FAM47E: variants seen among roughly 807,000 people sequenced by gnomAD.
FAM47E encodes the protein family with sequence similarity 47 member E, also known as protein FAM47E.
In FAM47E, 32 loss-of-function variants were observed where a neutral mutation model predicts 41.6. The ratio of observed to expected loss-of-function variants is 0.77; its 90% CI spans 0.58 to 1.03. The LOEUF (loss-of-function observed/expected upper bound fraction) is 1.03. Ranked by LOEUF, FAM47E falls within the 50% of genes least tolerant of loss-of-function variation. FAM47E has a pLI of 0.00. For synonymous variants in FAM47E, 184 were observed against 188.7 expected (o/e 0.98, Z 0.20); for missense variants, 424 against 485.4 (o/e 0.87, Z 1.19).
At position 76,280,369 on chromosome 4, in the gene FAM47E, C is replaced by T. The variant is rs547474009; in HGVS notation, c.1104+28C>T. On this transcript the variant is annotated intron_variant, in intron 7 of 7. Transcript: ENST00000424749. The stretch of plus-strand genomic sequence containing the variant: ...GAGTAAAGGGTCCTTTCAGAAGGCC[C>T]TGCTGAGGGGCTTCATGGCTCACAG... The T allele has an allele frequency of 5.8e-5, 76 of 1,309,144 alleles. No homozygotes were observed. In the African/African-American group the frequency reaches 1.0e-3, roughly 18 times the overall value. The allele number at this position is 1,309,144 out of a possible 1,614,324, so 81.1% of individuals were successfully genotyped here.
chr4:76,251,727 G>A lies in FAM47E; in HGVS notation c.-20G>A. ...ACACACCGCCCAAGCCCGGACGGTG[G>A]CCGCGAAGCTAGGGCCACCATGGCG... On this transcript the variant is annotated 5_prime_UTR_variant, in exon 1 of 8. Transcript: ENST00000424749. The A allele has an allele frequency of 2.0e-6, 3 of 1,470,836 alleles. No individual in the cohort carries two copies. The highest frequency in any genetic ancestry group is 2.8e-5 in the East Asian group (1 of 35,654). 91.1% of individuals were successfully genotyped at this position (1,470,836 alleles called of 1,614,324 possible).
At chr4:76,279,087 T>C (rs1429405768) in intron 6 of FAM47E, 2 of 152,226 alleles carry the variant, frequency 1.3e-5, no homozygotes, top group Non-Finnish European at 2.9e-5. Flanking sequence ...TTTCCAGTAC[T>C]GAATATAAAT....
chr4:76,216,538 C>G (rs990561578), intron 1 of FAM47E, among the ~76,000 whole-genome samples: 1 of 152,214 alleles, frequency 6.6e-6, no homozygotes, highest in East Asian at 1.9e-4. Flanking sequence ...CCCTTCTTCT[C>G]TCTTGTCTGG....
intron 2 of FAM47E, among the ~76,000 whole-genome samples, chr4:76,257,488 C>G (rs1368210758): frequency 1.3e-5 from 2 of 152,152 alleles, no homozygotes; most frequent in Non-Finnish European, 2.9e-5. Context: ...CAGAGAAAGC[C>G]AGAGTTCTTG....
intron 1 of FAM47E, among the ~76,000 whole-genome samples, chr4:76,216,998 A>G (rs1384626919): frequency 6.6e-6 from 1 of 152,200 alleles, no homozygotes; most frequent in Non-Finnish European, 1.5e-5. Context: ...CTCTACCCAC[A>G]GCTATGTTCA....
chr4:76,266,705 T>C (rs1163499057), intron 3 of FAM47E, among the ~76,000 whole-genome samples: 3 of 152,196 alleles, frequency 2.0e-5, no homozygotes, highest in African/African-American at 7.2e-5. Flanking sequence ...AATTGCTTAT[T>C]TTTCTGAGTA....
intron 2 of FAM47E, among the ~76,000 whole-genome samples, chr4:76,226,123 G>A (rs1251255018): frequency 6.6e-6 from 1 of 152,066 alleles, no homozygotes; most frequent in Non-Finnish European, 1.5e-5. Flanking sequence ...AAAGGAATGA[G>A]ACAAGACAAG....
intron 1 of FAM47E, among the ~76,000 whole-genome samples, chr4:76,253,410 A>G (rs923736926): frequency 6.6e-6 from 1 of 152,162 alleles, no homozygotes; most frequent in African/African-American, 2.4e-5. Flanking sequence ...TCCTTTTGCA[A>G]TTCTTAAAGA....
At chr4:76,227,503 T>C (rs554904969) in intron 2 of FAM47E, among the ~76,000 whole-genome samples, 105 of 152,306 alleles carry the variant, frequency 6.9e-4, no homozygotes, top group African/African-American at 2.5e-3. Context: ...ATGACAAAAA[T>C]GAATATTCTG....
At chr4:76,217,546 TCA>T in intron 1 of FAM47E, 1 of 460,162 alleles carries the variant, frequency 2.2e-6, no homozygotes, top group Non-Finnish European at 3.9e-6. Flanking sequence ...CCCATGTGCC[TCA>T]CACAGGTGTG....
intron 2 of FAM47E, among the ~76,000 whole-genome samples, chr4:76,260,756 C>G (rs1003247995): frequency 6.6e-6 from 1 of 152,096 alleles, no homozygotes; most frequent in African/African-American, 2.4e-5. Context: ...AAGAAACTAT[C>G]AACAGAGTAA....
intron 2 of FAM47E, among the ~76,000 whole-genome samples, chr4:76,243,234 T>C (rs1475480373): frequency 6.6e-6 from 1 of 152,216 alleles, no homozygotes; most frequent in Non-Finnish European, 1.5e-5. Context: ...TATTTTGTTA[T>C]AGTAGCCTGG....
chr4:76,250,444 T>C (rs959693957), upstream of FAM47E, among the ~76,000 whole-genome samples: 1 of 152,224 alleles, frequency 6.6e-6, no homozygotes, highest in Non-Finnish European at 1.5e-5. Context: ...GAGTTCCTTG[T>C]AGATTCTGAA....
chr4:76,235,713 C>T (rs1252931403), intron 2 of FAM47E, among the ~76,000 whole-genome samples: 1 of 152,216 alleles, frequency 6.6e-6, no homozygotes, highest in Non-Finnish European at 1.5e-5. Context: ...TGCTGTTTCA[C>T]AAAGGAGACT....
At chr4:76,230,487 T>G (rs981024547) in intron 2 of FAM47E, among the ~76,000 whole-genome samples, 2 of 152,178 alleles carry the variant, frequency 1.3e-5, no homozygotes, top group Non-Finnish European at 2.9e-5. Flanking sequence ...TGCCCCTCCC[T>G]GTCTGCCCAC....
chr4:76,271,866 T>A, intron 5 of FAM47E, 98 bp downstream of exon 5: 3 of 1,354,288 alleles, frequency 2.2e-6, no homozygotes, highest in Non-Finnish European at 2.9e-6. Flanking sequence ...GTACTGGTTT[T>A]TTAAAGTAGA....
At chr4:76,262,391 T>C (rs939895009) in intron 2 of FAM47E, among the ~76,000 whole-genome samples, 3 of 152,248 alleles carry the variant, frequency 2.0e-5, no homozygotes, top group African/African-American at 7.2e-5. Flanking sequence ...TTTTAACATG[T>C]TGAATTTTCT....
chr4:76,272,685 T>TTTTTG (rs2110021216), intron 5 of FAM47E, among the ~76,000 whole-genome samples: 1 of 152,312 alleles, frequency 6.6e-6, no homozygotes, highest in South Asian at 2.1e-4. Flanking sequence ...AAAATGGTAT[T>TTTTTG]AGACAGGCAA....
At chr4:76,270,170 G>A (rs966376279) in intron 4 of FAM47E, among the ~76,000 whole-genome samples, 3 of 151,616 alleles carry the variant, frequency 2.0e-5, no homozygotes, top group Admixed American at 1.3e-4. Flanking sequence ...TCTTTTGGCT[G>A]TGCAACTTGG....
Sources: allele counts gnomAD v4.1 joint callset (sites outside exome capture counted in the v4.1 genomes callset), GRCh38; gene constraint gnomAD v4.1.1; transcripts MANE v1.5; gene names NCBI Gene and HGNC (gene_info 2026-07-23, HGNC 2026-07-21).